The following ATG10 variants were observed in gnomAD, a reference collection of about 807,000 sequenced individuals.
The protein encoded by ATG10 is autophagy related 10.
ATG10 carries 30 observed loss-of-function variants against 32.1 expected under a neutral mutation model. The ratio of observed to expected loss-of-function variants is 0.94; its 90% CI spans 0.70 to 1.27. The LOEUF is 1.27. Among genes scored for constraint, ATG10 ranks in the 50% most tolerant of loss-of-function variants. The pLI is 0.00. For synonymous variants in ATG10, 87 were observed against 91.5 expected, an observed-to-expected ratio of 0.95 and a Z score of 0.28; for missense variants, 233 against 262.3, an observed-to-expected ratio of 0.89 and a Z score of 0.77.
chr5:82,126,891 G>T (rs1766301767), intron 3 of ATG10, among the ~76,000 whole-genome samples: 1 of 152,246 alleles, frequency 6.6e-6, no homozygotes, highest in African/African-American at 2.4e-5. Flanking sequence ...GTAGAATTAG[G>T]CTGTGAATCC....
At chr5:82,079,904 T>C (rs570042584) in intron 3 of ATG10, among the ~76,000 whole-genome samples, 2 of 152,352 alleles carry the variant, frequency 1.3e-5, no homozygotes, top group Admixed American at 1.3e-4. Context: ...CTGGGTCAAA[T>C]GGTATTTCTA....
intron 1 of ATG10, among the ~76,000 whole-genome samples, chr5:81,984,910 T>C (rs1761208451): frequency 1.3e-5 from 2 of 152,244 alleles, no homozygotes; most frequent in African/African-American, 4.8e-5. Context: ...ATTTTTAATA[T>C]ACCATACTTC....
At chr5:82,131,059 C>G (rs1190550576) in intron 3 of ATG10, among the ~76,000 whole-genome samples, 1 of 152,002 alleles carries the variant, frequency 6.6e-6, no homozygotes, top group Non-Finnish European at 1.5e-5. Flanking sequence ...ACAATAGACA[C>G]TATGGACTAG....
chr5:82,163,629 A>G (rs557682945), intron 3 of ATG10, among the ~76,000 whole-genome samples: 4 of 152,320 alleles, frequency 2.6e-5, no homozygotes, highest in Admixed American at 2.0e-4. Flanking sequence ...GGATGGAACC[A>G]GGGTCTGACT....
chr5:82,106,352 A>G (rs571882769), intron 3 of ATG10, among the ~76,000 whole-genome samples: 1 of 152,268 alleles, frequency 6.6e-6, no homozygotes, highest in African/African-American at 2.4e-5. Context: ...TCACGGGATC[A>G]TAGCAGCTTG....
chr5:81,986,817 G>A (rs1436889288), intron 1 of ATG10, among the ~76,000 whole-genome samples: 1 of 152,182 alleles, frequency 6.6e-6, no homozygotes, highest in Non-Finnish European at 1.5e-5. Context: ...GCTGAGGCTG[G>A]TGGATCGCTT....
intron 5 of ATG10, among the ~76,000 whole-genome samples, chr5:82,236,866 G>C (rs1746574487): frequency 6.6e-6 from 1 of 152,028 alleles, no homozygotes; most frequent in African/African-American, 2.4e-5. Flanking sequence ...TGATCTTTCT[G>C]GGTACTTAGG....
chr5:82,242,277 TAAAG>T (rs1746836700), intron 5 of ATG10, among the ~76,000 whole-genome samples: 1 of 152,068 alleles, frequency 6.6e-6, no homozygotes, highest in South Asian at 2.1e-4. Context: ...TAAATACAGT[TAAAG>T]AGAGCATTAA....
chr5:81,993,780 T>G (rs1382756132), intron 2 of ATG10, among the ~76,000 whole-genome samples: 1 of 152,110 alleles, frequency 6.6e-6, no homozygotes, highest in Non-Finnish European at 1.5e-5. Flanking sequence ...GTTAGTTGTT[T>G]GAAAATTTCA....
intron 2 of ATG10, among the ~76,000 whole-genome samples, chr5:82,006,600 ACT>A (rs756935809): frequency 6.0e-4 from 92 of 152,266 alleles, no homozygotes; most frequent in Middle Eastern, 3.4e-3. Context: ...TCAAGAAAAG[ACT>A]CTAAAGCCAT....
chr5:82,198,254 A>G (rs541603766), intron 5 of ATG10, among the ~76,000 whole-genome samples: 1 of 152,188 alleles, frequency 6.6e-6, no homozygotes, highest in South Asian at 2.1e-4. Context: ...AGCAAAAGAA[A>G]CCAGATTTGC....
At chr5:82,122,406 A>T (rs1326401131) in intron 3 of ATG10, among the ~76,000 whole-genome samples, 1 of 152,160 alleles carries the variant, frequency 6.6e-6, no homozygotes, top group Non-Finnish European at 1.5e-5. Context: ...AAGCTATAAA[A>T]CACTGGAAGA....
intron 5 of ATG10, among the ~76,000 whole-genome samples, chr5:82,242,358 A>G (rs560157785): frequency 6.6e-6 from 1 of 152,276 alleles, no homozygotes; most frequent in East Asian, 1.9e-4. Context: ...AGTAAATATG[A>G]TAACAGGTTA....
chr5:82,116,101 C>G (rs1014845245), intron 3 of ATG10, among the ~76,000 whole-genome samples: 1 of 152,126 alleles, frequency 6.6e-6, no homozygotes, highest in African/African-American at 2.4e-5. Flanking sequence ...AATTCATGTT[C>G]CACTATGCTT....
intron 3 of ATG10, among the ~76,000 whole-genome samples, chr5:82,066,805 TA>T (rs1219856210): frequency 6.6e-6 from 1 of 151,860 alleles, no homozygotes; most frequent in East Asian, 1.9e-4. Flanking sequence ...TATGTCAGAA[TA>T]TTTTTTTTAT....
At chr5:82,138,877 C>G (rs1766898449) in intron 3 of ATG10, among the ~76,000 whole-genome samples, 1 of 97,898 alleles carries the variant, frequency 1.0e-5, no homozygotes, top group Admixed American at 1.1e-4. Flanking sequence ...CTCCCCCTCC[C>G]CCTCTCCCTC....
At chr5:82,014,007 C>T (rs1477377986) in intron 2 of ATG10, among the ~76,000 whole-genome samples, 1 of 152,046 alleles carries the variant, frequency 6.6e-6, no homozygotes, top group East Asian at 1.9e-4. Context: ...TAAATGTGTC[C>T]CAGAGATTCT....
intron 2 of ATG10, among the ~76,000 whole-genome samples, chr5:81,989,370 A>G (rs1448081458): frequency 1.3e-5 from 2 of 152,154 alleles, no homozygotes; most frequent in East Asian, 1.9e-4. Flanking sequence ...GAAACAAGCC[A>G]TGATTTCCTC....
At chr5:82,105,376 G>A (rs1708202115) in intron 3 of ATG10, among the ~76,000 whole-genome samples, 1 of 151,888 alleles carries the variant, frequency 6.6e-6, no homozygotes, top group Non-Finnish European at 1.5e-5. Context: ...AAACCTTGTT[G>A]TATCATTTGG....
Sources: allele counts gnomAD v4.1 joint callset (sites outside exome capture counted in the v4.1 genomes callset), GRCh38; gene constraint gnomAD v4.1.1; transcripts MANE v1.5; gene names NCBI Gene and HGNC (gene_info 2026-07-23, HGNC 2026-07-21).